Variants in MYOCOS observed in about 807,000 individuals in gnomAD.
MYOCOS encodes myocilin opposite strand.
chr1:171,625,337 G>A (rs1391789944), intron 2 of MYOCOS, among the ~76,000 whole-genome samples: 1 of 152,152 alleles, frequency 6.6e-6, no homozygotes, highest in African/African-American at 2.4e-5. Context: ...GCTTTGATTG[G>A]GAGATGGGAG....
At chr1:171,617,666 A>G (rs1652474964), upstream of MYOCOS, among the ~76,000 whole-genome samples, 1 of 152,232 alleles carries the variant, frequency 6.6e-6, no homozygotes, top group Non-Finnish European at 1.5e-5. Context: ...GGAGGCAGTG[A>G]ATATAGACAA....
intron 2 of MYOCOS, among the ~76,000 whole-genome samples, chr1:171,626,193 C>T (rs996474701): frequency 3.3e-5 from 5 of 152,112 alleles, no homozygotes; most frequent in African/African-American, 1.2e-4. Context: ...AGTGATCCTC[C>T]CACCTTGGCC....
At chr1:171,600,982 C>T (rs1652131129) in exon 1 of MYOCOS, 1 of 152,258 alleles carries the variant, frequency 6.6e-6, no homozygotes, top group Admixed American at 6.5e-5. Context: ...TAAGGGGCTA[C>T]CCGAGGCAGC....
At chr1:171,617,704 T>C (rs73041913), upstream of MYOCOS, among the ~76,000 whole-genome samples, 1,072 of 152,348 alleles carry the variant, frequency 7.0e-3, 15 homozygotes, top group African/African-American at 0.025. Context: ...TTTGTGTCTT[T>C]GTTTTGTGGT....
chr1:171,617,958 A>G (rs1321308834), upstream of MYOCOS, among the ~76,000 whole-genome samples: 1 of 152,194 alleles, frequency 6.6e-6, no homozygotes. Context: ...CACGGGCACA[A>G]AGGCTGGAAG....
upstream of MYOCOS, among the ~76,000 whole-genome samples, chr1:171,621,374 G>GTTTTTTTTTTTTTTTTTTTT (rs397974158): frequency 1.7e-5 from 2 of 115,150 alleles, 1 homozygote. Flanking sequence ...TCTATGGTGG[G>GTTTTTTTTTTTTTTTTTTTT]TTTTTTTTTT....
chr1:171,622,335 A>T lies in MYOCOS; in HGVS notation c.-44+3A>T, dbSNP rs1652593445. 1 of 152,090 alleles carries T rather than the reference A, an allele frequency of 6.6e-6. No homozygotes were observed. The highest frequency in any genetic ancestry group is 1.5e-5 in the Non-Finnish European group (1 of 68,032). 9.4% of individuals were successfully genotyped at this position (152,090 alleles called of 1,614,324 possible). ...TTCTCAAGGACACGGCTCCAGGGGTAATTTGTTTCAGCTGCTGCTTTCTAA... is the reference window on the plus strand; with the variant it reads ...TTCTCAAGGACACGGCTCCAGGGGTTATTTGTTTCAGCTGCTGCTTTCTAA... On this transcript the variant is annotated splice_donor_region_variant and intron_variant, in intron 1 of 2. Coordinates refer to ENST00000637642, the MANE Select transcript of MYOCOS (RefSeq NM_001391940.1).
At chr1:171,609,778 G>A (rs535276324) in intron 1 of MYOCOS, among the ~76,000 whole-genome samples, 6 of 152,160 alleles carry the variant, frequency 3.9e-5, no homozygotes, top group Non-Finnish European at 7.4e-5. Flanking sequence ...TGGGATTATA[G>A]GCATGAGCCA....
At chr1:171,605,238 A>G (rs2102932010) in intron 1 of MYOCOS, among the ~76,000 whole-genome samples, 1 of 152,220 alleles carries the variant, frequency 6.6e-6, no homozygotes. Flanking sequence ...TCCCGGCCCA[A>G]AAGAATCACC....
At chr1:171,612,124 TGCA>T (rs142204887) in intron 1 of MYOCOS, among the ~76,000 whole-genome samples, 11,479 of 151,998 alleles carry the variant, frequency 0.076, 536 homozygotes, top group East Asian at 0.2. Context: ...CAGGCTGGAG[TGCA>T]GTGCAGTGGT....
chr1:171,615,608 T>C (rs1361523073), intron 2 of MYOCOS, among the ~76,000 whole-genome samples: 1 of 152,202 alleles, frequency 6.6e-6, no homozygotes. Context: ...AAACCGATGT[T>C]ATTCATAGAT....
chr1:171,604,178 C>A (rs191475612), intron 1 of MYOCOS: 31 of 152,150 alleles, frequency 2.0e-4, no homozygotes, highest in African/African-American at 6.7e-4. Flanking sequence ...GCTTCGCCAA[C>A]CCCTGCAAAG....
intron 1 of MYOCOS, among the ~76,000 whole-genome samples, chr1:171,606,060 C>T (rs925770658): frequency 3.3e-5 from 5 of 152,118 alleles, no homozygotes; most frequent in African/African-American, 1.2e-4. Flanking sequence ...AAGTGTAGCA[C>T]GGATTCGACC....
At chr1:171,609,991 G>GC (rs1374645320) in intron 1 of MYOCOS, among the ~76,000 whole-genome samples, 3 of 152,198 alleles carry the variant, frequency 2.0e-5, no homozygotes, top group Admixed American at 6.5e-5. Flanking sequence ...GTAGGCCTCA[G>GC]CCCCCCTTCA....
rs115459455 is a variant in MYOCOS, at chr1:171,623,163, C to T, written c.-43-678C>T. Among the ~76,000 whole-genome samples, 364 of 152,222 alleles carry T rather than the reference C, an allele frequency of 2.4e-3. 3 individuals are homozygous for T. Among genetic ancestry groups the T allele is most frequent in the African/African-American group, 8.4e-3 (350 of 41,538 alleles). On this transcript the variant is annotated intron_variant, in intron 1 of 2. Transcript: ENST00000637642. The stretch of plus-strand genomic sequence containing the variant: ...AGTGAACCGAGACAGCTCTGCTACA[C>T]TCCAGCCTTGGTGACAGAGCCAGAC...
chr1:171,601,869 A>C (rs1434689446), intron 1 of MYOCOS, among the ~76,000 whole-genome samples: 1 of 152,200 alleles, frequency 6.6e-6, no homozygotes, highest in East Asian at 1.9e-4. Context: ...ATTCTAAGTT[A>C]ATTTAGACTA....
intron 1 of MYOCOS, among the ~76,000 whole-genome samples, chr1:171,607,555 T>TA (rs898608033): frequency 2.0e-5 from 3 of 151,986 alleles, no homozygotes; most frequent in Admixed American, 6.6e-5. Flanking sequence ...TGTGGTTCTC[T>TA]AAAAAAAACG....
chr1:171,613,140 C>G (rs1328979531), intron 1 of MYOCOS, among the ~76,000 whole-genome samples: 1 of 152,152 alleles, frequency 6.6e-6, no homozygotes, highest in Non-Finnish European at 1.5e-5. Context: ...GGTTCCTTGA[C>G]TAAATGTCCC....
At chr1:171,605,485 C>T (rs945939411) in intron 1 of MYOCOS, among the ~76,000 whole-genome samples, 12 of 151,922 alleles carry the variant, frequency 7.9e-5, no homozygotes, top group African/African-American at 2.7e-4. Context: ...TGTTTAGGCC[C>T]ACCCAGAATC....
Sources: allele counts gnomAD v4.1 joint callset (sites outside exome capture counted in the v4.1 genomes callset), GRCh38; gene constraint gnomAD v4.1.1; transcripts MANE v1.5; gene names NCBI Gene and HGNC (gene_info 2026-07-23, HGNC 2026-07-21).